STK33: variants seen among roughly 807,000 people sequenced by gnomAD.
The protein encoded by STK33 is serine/threonine kinase 33.
A neutral mutation model predicts 58.0 loss-of-function variants in STK33; 52 were observed. The observed-to-expected ratio is 0.90, with a 90% CI of 0.72 to 1.13. STK33 has a LOEUF of 1.13. STK33 is among the 50% of genes most tolerant of loss of function. The pLI, the probability that STK33 is intolerant of heterozygous loss-of-function variation, is 0.00. For missense variants in STK33, 630 were observed against 604.2 expected (o/e 1.04, Z -0.45); for synonymous variants, 215 against 200.1 (o/e 1.07, Z -0.63).
intron 14 of STK33, among the ~76,000 whole-genome samples, chr11:8,420,270 A>G (rs994454784): frequency 3.3e-5 from 5 of 152,208 alleles, no homozygotes; most frequent in Non-Finnish European, 7.4e-5. Context: ...GAATATCAAG[A>G]TAATAAGTAA....
Position 8,400,484 on chromosome 11 carries a change from C to G in STK33, c.1345-7774G>C, listed in dbSNP as rs531900491. On this transcript the variant is annotated intron_variant, in intron 15 of 15. Coordinates refer to ENST00000687296, the MANE Select transcript of STK33 (RefSeq NM_001352389.2). The stretch of plus-strand genomic sequence containing the variant: ...GGGACGTATCTCAAAATAATAAGAG[C>G]TATCTATGACAAACCCACAGCCAAT... 3.5e-3 allele frequency among the ~76,000 whole-genome samples: 538 copies of G among 152,230 alleles called. 3 individuals carry two copies. The highest frequency in any genetic ancestry group is 0.012 in the African/African-American group (513 of 41,542).
chr11:8,495,004 C>G (rs1437718604), intron 1 of STK33, among the ~76,000 whole-genome samples: 1 of 152,108 alleles, frequency 6.6e-6, no homozygotes, highest in Admixed American at 6.5e-5. Flanking sequence ...AGAAGAAAAC[C>G]TAGCCAATAC....
the STK33 span, among the ~76,000 whole-genome samples, chr11:8,383,758 C>T: frequency 2.0e-5 from 3 of 152,320 alleles, no homozygotes; most frequent in East Asian, 3.9e-4. Context: ...TGCCAAAATA[C>T]AGTCACTGCC....
chr11:8,404,041 A>G (rs1938629144), intron 15 of STK33, among the ~76,000 whole-genome samples: 1 of 152,240 alleles, frequency 6.6e-6, no homozygotes, highest in Non-Finnish European at 1.5e-5. Flanking sequence ...GGTCCAAATG[A>G]CAAAATTCTG....
intron 2 of STK33, among the ~76,000 whole-genome samples, chr11:8,480,076 C>A (rs1949668943): frequency 6.6e-6 from 1 of 152,266 alleles, no homozygotes. Context: ...AATGTGAGAG[C>A]TCTCTTCACA....
downstream of STK33, among the ~76,000 whole-genome samples, chr11:8,387,721 T>C (rs1848563499): frequency 6.6e-6 from 1 of 152,164 alleles, no homozygotes; most frequent in African/African-American, 2.4e-5. Context: ...GACCAGGAAA[T>C]ATCAGCTGCC....
chr11:8,464,688 G>A lies in STK33; in HGVS notation c.453+21C>T, dbSNP rs749457326. The A allele has an allele frequency of 1.9e-6, 3 of 1,553,434 alleles. No individual in the cohort carries two copies. In the South Asian group the frequency reaches 3.4e-5, roughly 17 times the overall value. ...TGCACTAACACTGTGCCCTCAGTAG[G>A]ATGCTGCTAATGAGCCTTACCTTTT... On this transcript the variant is annotated intron_variant, in intron 7 of 15. Transcript: ENST00000687296.
intron 14 of STK33, among the ~76,000 whole-genome samples, chr11:8,433,090 A>C (rs78498928): frequency 0.054 from 8,282 of 152,302 alleles, 305 homozygotes; most frequent in Middle Eastern, 0.085. Flanking sequence ...GCTGTACTAC[A>C]AACCTACTCA....
At chr11:8,348,880 T>C in the STK33 span, among the ~76,000 whole-genome samples, 1 of 132,450 alleles carries the variant, frequency 7.6e-6, no homozygotes, top group African/African-American at 2.8e-5. Context: ...CTTAAGAAAC[T>C]GGAAAAAAAA....
chr11:8,545,987 T>C (rs1955880338), intron 1 of STK33, among the ~76,000 whole-genome samples: 1 of 152,216 alleles, frequency 6.6e-6, no homozygotes, highest in Admixed American at 6.5e-5. Flanking sequence ...CAAACCTGTA[T>C]AGCATTTTAC....
chr11:8,581,880 T>C lies in STK33; in HGVS notation c.-466+12203A>G, dbSNP rs545401928. ...ACTAGTACTTCTTCAGGAAGATGGA[T>C]TTCATTTTACCTCTACATCTATTAC... On this transcript the variant is annotated intron_variant, in intron 1 of 15. Transcript: ENST00000687296. Among the ~76,000 whole-genome samples, 6 of 152,346 alleles carry C rather than the reference T, an allele frequency of 3.9e-5. No individual in the cohort carries two copies. In the East Asian group the frequency reaches 5.8e-4, roughly 15 times the overall value.
intron 1 of STK33, among the ~76,000 whole-genome samples, chr11:8,502,565 GAACTGGC>G (rs1383244105): frequency 6.6e-6 from 1 of 151,984 alleles, no homozygotes; most frequent in Non-Finnish European, 1.5e-5. Context: ...CTATACATAG[GAACTGGC>G]AAAGATTTCA....
At chr11:8,478,871 T>C (rs1478461942) in intron 2 of STK33, among the ~76,000 whole-genome samples, 1 of 152,228 alleles carries the variant, frequency 6.6e-6, no homozygotes, top group African/African-American at 2.4e-5. Flanking sequence ...GATATTGCTA[T>C]ATTTTAAGGA....
chr11:8,433,797 G>T (rs1596888), intron 14 of STK33: 100,238 of 151,838 alleles, frequency 0.66, 33,686 homozygotes, highest in South Asian at 0.86. Flanking sequence ...ATATATCTCA[G>T]GTTTTTCTCT....
the STK33 span, among the ~76,000 whole-genome samples, chr11:8,343,225 G>GT: frequency 6.6e-6 from 1 of 152,258 alleles, no homozygotes; most frequent in African/African-American, 2.4e-5. Context: ...TCTGGCAGCA[G>GT]TGTGTGCTGT....
intron 11 of STK33, among the ~76,000 whole-genome samples, chr11:8,443,133 G>C (rs1396786458): frequency 1.3e-5 from 2 of 152,062 alleles, no homozygotes; most frequent in Non-Finnish European, 2.9e-5. Flanking sequence ...TCTACTAAAA[G>C]TACAAAAACA....
the STK33 span, among the ~76,000 whole-genome samples, chr11:8,385,832 C>T: frequency 2.6e-5 from 4 of 151,496 alleles, no homozygotes; most frequent in East Asian, 1.9e-4. Context: ...TGGAGTGCAG[C>T]GGCGCTATCT....
intron 6 of STK33, among the ~76,000 whole-genome samples, chr11:8,471,354 AAAAC>A (rs1383884054): frequency 3.3e-5 from 5 of 152,196 alleles, no homozygotes; most frequent in African/African-American, 1.2e-4. Context: ...GATGAAGGAG[AAAAC>A]AGTTTCTTAT....
At chr11:8,482,508 T>C (rs1433024033) in intron 1 of STK33, among the ~76,000 whole-genome samples, 2 of 152,136 alleles carry the variant, frequency 1.3e-5, no homozygotes, top group East Asian at 3.9e-4. Context: ...GTTTCACTCA[T>C]AATGATTACG....
Sources: allele counts gnomAD v4.1 joint callset (sites outside exome capture counted in the v4.1 genomes callset), GRCh38; gene constraint gnomAD v4.1.1; transcripts MANE v1.5; gene names NCBI Gene and HGNC (gene_info 2026-07-23, HGNC 2026-07-21).